The following UPP2 variants were observed in gnomAD, a reference collection of about 807,000 sequenced individuals.
UPP2 encodes UPase 2.
Under a neutral mutation model 26.7 loss-of-function variants are expected in UPP2, and 23 were observed. The ratio of observed to expected loss-of-function variants is 0.86; its 90% CI spans 0.62 to 1.22. The LOEUF is 1.22. Among genes scored for constraint, UPP2 ranks in the 50% most tolerant of loss-of-function variants. UPP2 has a pLI of 0.00. For synonymous variants in UPP2, 127 were observed against 141.3 expected, an observed-to-expected ratio of 0.90 and a Z score of 0.72; for missense variants, 387 against 396.7, an observed-to-expected ratio of 0.98 and a Z score of 0.21.
chr2:158,100,058 CA>C (rs1288231430), upstream of UPP2, among the ~76,000 whole-genome samples: 1 of 152,154 alleles, frequency 6.6e-6, no homozygotes, highest in African/African-American at 2.4e-5. Flanking sequence ...TACAGTCAAT[CA>C]AAAAGCATTG....
At chr2:158,112,608 TA>T (rs558916805) in intron 2 of UPP2, among the ~76,000 whole-genome samples, 47 of 147,122 alleles carry the variant, frequency 3.2e-4, no homozygotes, top group Admixed American at 3.4e-4. Context: ...AATTGAACTC[TA>T]AAAAAAAAAG....
At chr2:158,133,486 T>C (rs1022872297) in intron 6 of UPP2, among the ~76,000 whole-genome samples, 4 of 152,082 alleles carry the variant, frequency 2.6e-5, no homozygotes, top group African/African-American at 9.7e-5. Flanking sequence ...TAACGTATAG[T>C]GAAAAATCTT....
At chr2:158,129,223 G>A (rs1470264024) in intron 6 of UPP2, among the ~76,000 whole-genome samples, 1 of 152,026 alleles carries the variant, frequency 6.6e-6, no homozygotes, top group Non-Finnish European at 1.5e-5. Context: ...ACCCCAGGGA[G>A]GCTATCTGGA....
intron 3 of UPP2, among the ~76,000 whole-genome samples, chr2:158,060,069 G>T (rs1445814435): frequency 6.6e-6 from 1 of 152,118 alleles, no homozygotes; most frequent in Non-Finnish European, 1.5e-5. Flanking sequence ...AACCACATCT[G>T]ATTTGTGTGT....
chr2:158,059,602 T>C (rs1375313330), intron 3 of UPP2, among the ~76,000 whole-genome samples: 1 of 152,228 alleles, frequency 6.6e-6, no homozygotes, highest in Non-Finnish European at 1.5e-5. Flanking sequence ...TTTGGTCATA[T>C]TGGGCAAAAG....
At chr2:158,043,301 C>G (rs906898075) in intron 3 of UPP2, among the ~76,000 whole-genome samples, 1 of 152,186 alleles carries the variant, frequency 6.6e-6, no homozygotes, top group Non-Finnish European at 1.5e-5. Flanking sequence ...CTCATGAACT[C>G]CTTTGGGATT....
chr2:158,087,203 AT>A (rs1400622754), intron 3 of UPP2, among the ~76,000 whole-genome samples: 1 of 151,960 alleles, frequency 6.6e-6, no homozygotes, highest in African/African-American at 2.4e-5. Context: ...GGATTGTGAT[AT>A]TTTTCTGTTT....
intron 3 of UPP2, among the ~76,000 whole-genome samples, chr2:158,082,644 C>T (rs1020505104): frequency 6.6e-6 from 1 of 152,108 alleles, no homozygotes; most frequent in Non-Finnish European, 1.5e-5. Context: ...ATGACATGAG[C>T]GTAGGCGAAG....
In UPP2 at chr2:158,106,161, A is replaced by C; in HGVS notation, c.125A>C (p.His42Pro). The C allele has an allele frequency of 1.9e-6, 3 of 1,611,068 alleles. No individual in the cohort carries two copies. The highest frequency in any genetic ancestry group is 2.5e-6 in the Non-Finnish European group (3 of 1,178,894). The stretch of plus-strand genomic sequence containing the variant: ...TTGATGGATGAAGACATTCTCTATC[A>C]CTTGGATTTGGGAACAAAAACACAC... ...LDLMDEDILY[H>P]LDLGTKTHNL... The change falls in exon 2 of 7, where the codon CAC becomes CCC. Residue 42 changes from histidine (H) to proline (P), a missense_variant. Transcript: ENST00000005756.
At chr2:158,086,389 T>C (rs889295283) in intron 3 of UPP2, among the ~76,000 whole-genome samples, 12 of 152,134 alleles carry the variant, frequency 7.9e-5, no homozygotes, top group Non-Finnish European at 1.5e-5. Flanking sequence ...TCTTCTTTTC[T>C]TGTTTCATCT....
intron 3 of UPP2, among the ~76,000 whole-genome samples, chr2:158,042,698 T>C (rs904822509): frequency 1.3e-5 from 2 of 152,156 alleles, no homozygotes; most frequent in Admixed American, 1.3e-4. Flanking sequence ...GGTGACCTTA[T>C]AGGAAGAGAG....
intron 4 of UPP2, among the ~76,000 whole-genome samples, chr2:158,120,024 A>T (rs1214397564): frequency 4.0e-5 from 6 of 150,810 alleles, no homozygotes; most frequent in African/African-American, 1.5e-4. Flanking sequence ...AAAAAAAAAT[A>T]AAAATAAAAA....
chr2:158,047,073 A>C (rs548049921), intron 3 of UPP2, among the ~76,000 whole-genome samples: 1 of 152,316 alleles, frequency 6.6e-6, no homozygotes, highest in African/African-American at 2.4e-5. Flanking sequence ...TGTTCTTTCT[A>C]TGTGCATCTG....
chr2:157,995,392 A>C (rs941475055), intron 2 of UPP2: 21 of 996,436 alleles, frequency 2.1e-5, no homozygotes, highest in Non-Finnish European at 3.0e-5. Flanking sequence ...CAACTGGCAC[A>C]AATAATTAAG....
intron 6 of UPP2, among the ~76,000 whole-genome samples, chr2:158,131,514 T>C (rs750246819): frequency 9.2e-5 from 14 of 152,166 alleles, no homozygotes; most frequent in Non-Finnish European, 1.6e-4. Context: ...AGGTTCCAAT[T>C]AGGACTTTCA....
At chr2:158,095,327 T>A (rs563387526) in intron 3 of UPP2, among the ~76,000 whole-genome samples, 1 of 152,142 alleles carries the variant, frequency 6.6e-6, no homozygotes, top group Non-Finnish European at 1.5e-5. Flanking sequence ...GCTGCTATGG[T>A]TTAACTGTGC....
At chr2:157,995,777 A>AT (rs1449216927) in intron 2 of UPP2, among the ~76,000 whole-genome samples, 1 of 152,056 alleles carries the variant, frequency 6.6e-6, no homozygotes, top group Non-Finnish European at 1.5e-5. Flanking sequence ...TGTAATCTGG[A>AT]TTTTTTCCTA....
intron 2 of UPP2, among the ~76,000 whole-genome samples, chr2:158,000,513 C>T (rs998007079): frequency 3.3e-5 from 5 of 152,340 alleles, no homozygotes; most frequent in Admixed American, 1.3e-4. Context: ...CCATCTATCC[C>T]TTTTCTCTCT....
intron 3 of UPP2, among the ~76,000 whole-genome samples, chr2:158,063,087 A>G (rs1238760759): frequency 2.0e-5 from 3 of 152,192 alleles, no homozygotes; most frequent in Non-Finnish European, 2.9e-5. Flanking sequence ...AATACTTGCA[A>G]TATAAGTGTA....
Sources: allele counts gnomAD v4.1 joint callset (sites outside exome capture counted in the v4.1 genomes callset), GRCh38; gene constraint gnomAD v4.1.1; transcripts MANE v1.5; gene names NCBI Gene and HGNC (gene_info 2026-07-23, HGNC 2026-07-21).